Variants in MUSK observed in about 807,000 individuals in gnomAD.
The protein encoded by MUSK is muscle, skeletal receptor tyrosine-protein kinase.
Under a neutral mutation model 88.7 loss-of-function variants are expected in MUSK, and 55 were observed. The ratio of observed to expected loss-of-function variants is 0.62; its 90% CI spans 0.50 to 0.78. The LOEUF (loss-of-function observed/expected upper bound fraction) is 0.78. Among genes scored for constraint, MUSK ranks in the 30% least tolerant of loss-of-function variants. The pLI is 0.00. For missense variants in MUSK, 1,015 were observed against 1,074.3 expected, an observed-to-expected ratio of 0.94 and a Z score of 0.77; for synonymous variants, 387 against 391.9, an observed-to-expected ratio of 0.99 and a Z score of 0.15.
At position 110,775,853 on chromosome 9, in the gene MUSK, C is replaced by T. The variant is rs538655454; in HGVS notation, c.1250C>T (p.Thr417Ile). The T allele has an allele frequency of 1.6e-4, 263 of 1,613,830 alleles. 3 individuals carry two copies. In the South Asian group the frequency reaches 2.7e-3, roughly 17 times the overall value. The stretch of plus-strand genomic sequence containing the variant: ...GAATGGCTGGTAATGGAAGAGAAGA[C>T]CCACAGAGGACTCTACAGATCCGAG... The part of the protein sequence containing the change: ...AKEWLVMEEK[T>I]HRGLYRSEMH... Residue 417 changes from threonine to isoleucine, a missense_variant, in exon 10 of 15, where the codon ACC (threonine) becomes ATC (isoleucine). Transcript: ENST00000374448.
At chr9:110,705,217 C>A (rs1318497421) in intron 5 of MUSK, among the ~76,000 whole-genome samples, 1 of 152,064 alleles carries the variant, frequency 6.6e-6, no homozygotes, top group East Asian at 1.9e-4. Context: ...TTCTGTTGCT[C>A]CATTGATCTC....
intron 11 of MUSK, among the ~76,000 whole-genome samples, chr9:110,784,085 G>A (rs1588036449): frequency 1.3e-5 from 2 of 152,010 alleles, no homozygotes; most frequent in East Asian, 1.9e-4. Context: ...CTATTTTTGG[G>A]TACAAAGGTC....
chr9:110,800,542 G>C lies in MUSK; in HGVS notation c.2164G>C (p.Val722Leu). The change falls in exon 15 of 15, where the codon GTT (valine) becomes CTT (leucine). Residue 722 changes from valine (V) to leucine (L), a missense_variant. Coordinates refer to ENST00000374448, the MANE Select transcript of MUSK (RefSeq NM_005592.4). ...GGCTTACCTCTCAGAACGTAAGTTT[G>C]TTCACCGAGATTTAGCCACCAGGAA... ...GMAYLSERKF[V>L]HRDLATRNCL... 6.2e-7 allele frequency: 1 copy of C among 1,613,886 alleles called. No homozygotes were observed. Among genetic ancestry groups the C allele is most frequent in the East Asian group, 2.2e-5 (1 of 44,858 alleles).
chr9:110,684,920 A>G (rs1203172365), intron 2 of MUSK, among the ~76,000 whole-genome samples: 2 of 152,100 alleles, frequency 1.3e-5, no homozygotes, highest in Non-Finnish European at 2.9e-5. Flanking sequence ...GTAAACAAAG[A>G]TAATTCTTCC....
intron 9 of MUSK, among the ~76,000 whole-genome samples, chr9:110,771,936 T>C (rs1285081316): frequency 1.3e-5 from 2 of 152,134 alleles, no homozygotes; most frequent in Non-Finnish European, 2.9e-5. Context: ...AACAAATGTG[T>C]ATTATTTTCC....
In MUSK at chr9:110,798,467, A is replaced by G. The variant is rs115344749; in HGVS notation, c.1928-1839A>G. 6.3e-3 allele frequency among the ~76,000 whole-genome samples: 962 copies of G among 152,308 alleles called. 11 individuals are homozygous for G. The highest frequency in any genetic ancestry group is 0.022 in the African/African-American group (907 of 41,570). Reference sequence around the variant, plus strand: ...ATTCTGGCAGTGGAGCAAACAGTAGAACAATCAGGTGAGATTATTCATTGA... The same window carrying G: ...ATTCTGGCAGTGGAGCAAACAGTAGGACAATCAGGTGAGATTATTCATTGA... On this transcript the variant is annotated intron_variant, in intron 14 of 14. Transcript: ENST00000374448.
At position 110,785,551 on chromosome 9, in the gene MUSK, C is replaced by T. The variant is rs2077841319; in HGVS notation, c.1611C>T (p.Thr537=). 1 of 1,611,372 alleles carries T rather than the reference C, an allele frequency of 6.2e-7. No homozygotes were observed. Among genetic ancestry groups the T allele is most frequent in the Admixed American group, 1.7e-5 (1 of 59,858 alleles). Residue 537 remains threonine (T), a synonymous_variant, in exon 13 of 15, where the codon ACC becomes ACT. Coordinates refer to ENST00000374448, the MANE Select transcript of MUSK (RefSeq NM_005592.4). Reference sequence around the variant, plus strand: ...GAGAATCAGCAGCAGTAACCCTCACCACACTGCCTTCTGAGCTCTTACTAG... The same window carrying T: ...GAGAATCAGCAGCAGTAACCCTCACTACACTGCCTTCTGAGCTCTTACTAG... ...KKRESAAVTL[T]TLPSELLLDR... is the part of the protein sequence containing the mutation.
intron 5 of MUSK, among the ~76,000 whole-genome samples, chr9:110,701,258 G>C (rs944165616): frequency 8.6e-5 from 13 of 152,042 alleles, no homozygotes; most frequent in African/African-American, 3.1e-4. Context: ...ATGGTTGCAG[G>C]GTTTTTCCCT....
chr9:110,789,272 G>A (rs1588044145), intron 14 of MUSK, among the ~76,000 whole-genome samples: 3 of 152,204 alleles, frequency 2.0e-5, no homozygotes, highest in Admixed American at 6.5e-5. Context: ...AGTGAAGATC[G>A]TGAGAAGTGA....
At chr9:110,689,055 A>T (rs2076240387) in intron 3 of MUSK, among the ~76,000 whole-genome samples, 2 of 140,668 alleles carry the variant, frequency 1.4e-5, no homozygotes, top group South Asian at 4.3e-4. Context: ...TAAATATATA[A>T]ATATATAGCT....
rs146995267 is a variant in MUSK at position 110,761,497 on chromosome 9, T to C, written c.914-705T>C. Among the ~76,000 whole-genome samples the C allele has an allele frequency of 6.5e-3, 981 of 150,440 alleles. 12 individuals carry two copies. The highest frequency in any genetic ancestry group is 0.022 in the African/African-American group (907 of 41,104). On this transcript the variant is annotated intron_variant, in intron 7 of 14. Coordinates refer to ENST00000374448, the MANE Select transcript of MUSK (RefSeq NM_005592.4). The stretch of plus-strand genomic sequence containing the variant: ...CTCCTCTGCATGTTCTTTTCTTTTC[T>C]CCTTCTCCTTCTTTTTTCTTTTTTT...
At chr9:110,725,318 A>G (rs2076870266) in intron 5 of MUSK, among the ~76,000 whole-genome samples, 1 of 151,966 alleles carries the variant, frequency 6.6e-6, no homozygotes, top group Non-Finnish European at 1.5e-5. Flanking sequence ...CATTCTTGTT[A>G]GGTGGATAGA....
intron 3 of MUSK, among the ~76,000 whole-genome samples, chr9:110,691,185 C>T (rs565476532): frequency 1.3e-5 from 2 of 152,126 alleles, no homozygotes; most frequent in Admixed American, 6.6e-5. Context: ...CGTAGCCAAT[C>T]GATGACTCAC....
intron 5 of MUSK, among the ~76,000 whole-genome samples, chr9:110,724,331 CT>C (rs1428785863): frequency 6.6e-6 from 1 of 151,978 alleles, no homozygotes; most frequent in Non-Finnish European, 1.5e-5. Flanking sequence ...TGATTTGCCA[CT>C]GTAAATCTTA....
intron 14 of MUSK, among the ~76,000 whole-genome samples, chr9:110,800,089 C>T (rs1336002351): frequency 1.3e-5 from 2 of 152,112 alleles, no homozygotes; most frequent in Non-Finnish European, 2.9e-5. Flanking sequence ...AAACTTTAGC[C>T]AAGGGACAGA....
intron 14 of MUSK, among the ~76,000 whole-genome samples, chr9:110,790,266 G>C (rs1027192236): frequency 6.6e-6 from 1 of 152,028 alleles, no homozygotes; most frequent in Non-Finnish European, 1.5e-5. Context: ...AGGAATGTTG[G>C]GGGCAGAGGA....
In MUSK at chr9:110,734,367, G is replaced by A. The variant is rs1372004765; in HGVS notation, c.745G>A (p.Gly249Arg). The change falls in exon 6 of 15, where the codon GGA becomes AGA. Residue 249 changes from glycine (G) to arginine (R), a missense_variant. Gly to Arg is a moderately radical substitution (Grantham distance 125). Transcript: ENST00000374448. ...PVPTITWIEN[G>R]NAVSSGSIQE... The stretch of plus-strand genomic sequence containing the variant: ...CCCCACCATCACCTGGATTGAAAAC[G>A]GAAATGCTGTGAGTGTCATGTGTGT... The A allele has an allele frequency of 7.4e-6, 12 of 1,613,002 alleles. No individual in the cohort carries two copies. Among genetic ancestry groups the A allele is most frequent in the South Asian group, 5.5e-5 (5 of 91,048 alleles).
At chr9:110,676,554 A>G (rs573912963) in intron 1 of MUSK, among the ~76,000 whole-genome samples, 8 of 151,978 alleles carry the variant, frequency 5.3e-5, no homozygotes, top group South Asian at 4.2e-4. Flanking sequence ...CCCTCCCCCA[A>G]TCCCACCTGC....
At chr9:110,686,754 A>G (rs2076201098) in intron 2 of MUSK, among the ~76,000 whole-genome samples, 1 of 152,120 alleles carries the variant, frequency 6.6e-6, no homozygotes, top group Non-Finnish European at 1.5e-5. Context: ...ATACATATGC[A>G]TGTTCTTTAT....
Sources: gnomAD v4.1 joint callset for allele counts (sites outside exome capture counted in the v4.1 genomes callset) on GRCh38, gnomAD v4.1.1 for gene constraint, MANE v1.5 for transcripts, NCBI Gene and HGNC (gene_info 2026-07-23, HGNC 2026-07-21) for gene names.